CD226: variants seen among roughly 807,000 people sequenced by gnomAD.
CD226 encodes CD226 antigen.
CD226 carries 24 observed loss-of-function variants against 34.9 expected under a neutral mutation model. That is an observed-to-expected ratio of 0.69 (90% CI 0.50 to 0.97). The LOEUF is 0.97. Ranked by LOEUF, CD226 falls within the 50% of genes least tolerant of loss-of-function variation. CD226 has a pLI of 0.00. For missense variants in CD226, 397 were observed against 412.7 expected (o/e 0.96, Z 0.33); for synonymous variants, 148 against 147.4 (o/e 1.00, Z -0.03).
intron 2 of CD226, among the ~76,000 whole-genome samples, chr18:69,938,547 C>A (rs907027619): frequency 1.3e-5 from 2 of 152,220 alleles, no homozygotes; most frequent in African/African-American, 4.8e-5. Flanking sequence ...TCAAAGGCTA[C>A]TTTACAATTT....
chr18:69,920,776 T>A (rs1182073932), intron 2 of CD226, among the ~76,000 whole-genome samples: 2 of 151,970 alleles, frequency 1.3e-5, no homozygotes, highest in African/African-American at 4.9e-5. Context: ...GGGTTATGAC[T>A]AGCGAAGACA....
At chr18:69,872,100 G>T (rs1983569542) in intron 4 of CD226, among the ~76,000 whole-genome samples, 1 of 144,812 alleles carries the variant, frequency 6.9e-6, no homozygotes. Flanking sequence ...GGTGCATTTG[G>T]TAACATTACT....
At chr18:69,918,804 C>A in intron 2 of CD226, among the ~76,000 whole-genome samples, 1 of 152,122 alleles carries the variant, frequency 6.6e-6, no homozygotes, top group East Asian at 1.9e-4. Flanking sequence ...TATAGACACC[C>A]CTGTGCAAAT....
intron 2 of CD226, among the ~76,000 whole-genome samples, chr18:69,930,224 G>A (rs1174822820): frequency 6.6e-6 from 1 of 152,130 alleles, no homozygotes; most frequent in Non-Finnish European, 1.5e-5. Context: ...GTTGCAATAT[G>A]GTTTGAGATA....
At chr18:69,898,999 T>A (rs1333722963) in intron 2 of CD226, among the ~76,000 whole-genome samples, 1 of 152,244 alleles carries the variant, frequency 6.6e-6, no homozygotes, top group African/African-American at 2.4e-5. Context: ...CTTATACTTA[T>A]ATGTAGCTAC....
chr18:69,935,069 A>G (rs2055635682), intron 2 of CD226, among the ~76,000 whole-genome samples: 2 of 152,192 alleles, frequency 1.3e-5, no homozygotes, highest in Admixed American at 1.3e-4. Context: ...CTAAACCATC[A>G]CAGGACAGCA....
chr18:69,922,705 T>C (rs2055467061), intron 2 of CD226, among the ~76,000 whole-genome samples: 1 of 152,200 alleles, frequency 6.6e-6, no homozygotes. Flanking sequence ...ACCAGGCCAT[T>C]GTGAGGATGC....
chr18:69,874,036 A>G (rs181706515), intron 3 of CD226, among the ~76,000 whole-genome samples: 38 of 152,176 alleles, frequency 2.5e-4, no homozygotes, highest in Admixed American at 8.5e-4. Context: ...GAAAAAAAAA[A>G]TGTTACTCCA....
intron 2 of CD226, among the ~76,000 whole-genome samples, chr18:69,921,480 C>T (rs1427914059): frequency 6.6e-6 from 1 of 152,130 alleles, no homozygotes; most frequent in African/African-American, 2.4e-5. Flanking sequence ...TTGTAAGCAT[C>T]TCCACAGAAG....
At chr18:69,945,227 T>G (rs1239245284) in intron 2 of CD226, among the ~76,000 whole-genome samples, 2 of 152,218 alleles carry the variant, frequency 1.3e-5, no homozygotes, top group Non-Finnish European at 2.9e-5. Flanking sequence ...AGATGTATCA[T>G]TCTCTGACTA....
chr18:69,857,268 T>C lies in CD226; in HGVS notation c.*7046A>G. Reference sequence around the variant, plus strand: ...AGTAATCTCTATCTCTAGAAGCTACTGAGCCATTACATTTCTTTGTACATT... The same window carrying C: ...AGTAATCTCTATCTCTAGAAGCTACCGAGCCATTACATTTCTTTGTACATT... On this transcript the variant is annotated 3_prime_UTR_variant, in exon 6 of 6. Coordinates refer to ENST00000582621, the MANE Select transcript of CD226 (RefSeq NM_001303618.2). The C allele has an allele frequency of 6.6e-6, 1 of 152,384 alleles. No individual in the cohort carries two copies. Among genetic ancestry groups the C allele is most frequent in the East Asian group, 1.9e-4 (1 of 5,186 alleles). The allele number at this position is 152,384 out of a possible 1,614,324, so 9.4% of individuals were successfully genotyped here.
At chr18:69,902,018 G>T (rs924703156) in intron 2 of CD226, among the ~76,000 whole-genome samples, 1 of 152,114 alleles carries the variant, frequency 6.6e-6, no homozygotes. Flanking sequence ...GTATTAATGT[G>T]CCTGTTTCAC....
chr18:69,929,374 T>A (rs1446077510), intron 2 of CD226, among the ~76,000 whole-genome samples: 1 of 152,196 alleles, frequency 6.6e-6, no homozygotes, highest in African/African-American at 2.4e-5. Flanking sequence ...ATCAAGTCAC[T>A]CTCATGTGCT....
chr18:69,880,588 A>G (rs968409813), intron 3 of CD226, among the ~76,000 whole-genome samples: 13 of 152,018 alleles, frequency 8.6e-5, no homozygotes, highest in Non-Finnish European at 1.5e-5. Context: ...GGAGGGAGAT[A>G]ATGGGAGTTG....
intron 3 of CD226, among the ~76,000 whole-genome samples, chr18:69,880,451 G>C (rs1984179184): frequency 6.6e-6 from 1 of 151,980 alleles, no homozygotes; most frequent in Admixed American, 6.6e-5. Flanking sequence ...ATGGAGAAGA[G>C]AGAACCCTCG....
chr18:69,864,019 A>C lies in CD226; in HGVS notation c.*295T>G, dbSNP rs1982975288. 1 of 231,922 alleles carries C rather than the reference A, an allele frequency of 4.3e-6. No individual in the cohort carries two copies. The highest frequency in any genetic ancestry group is 9.4e-5 in the South Asian group (1 of 10,624). 14.4% of individuals were successfully genotyped at this position (231,922 alleles called of 1,614,324 possible). The stretch of plus-strand genomic sequence containing the variant: ...CCAGTTTATGCCCATACTTAATTCT[A>C]GACACAACATTTAAGCCCTGGTAAA... On this transcript the variant is annotated 3_prime_UTR_variant, in exon 6 of 6. Transcript: ENST00000582621.
intron 2 of CD226, among the ~76,000 whole-genome samples, chr18:69,944,813 C>T (rs1330765069): frequency 6.6e-6 from 1 of 152,176 alleles, no homozygotes; most frequent in Non-Finnish European, 1.5e-5. Context: ...CAAATGAGGA[C>T]TTGTATGGTG....
Position 69,896,873 on chromosome 18 carries a change from C to T in CD226, c.383-828G>A, listed in dbSNP as rs565813178. Among the ~76,000 whole-genome samples, 13 of 152,172 alleles carry T rather than the reference C, an allele frequency of 8.5e-5. No individual in the cohort carries two copies. The South Asian group carries it at 2.5e-3, about 29-fold the overall frequency. On this transcript the variant is annotated intron_variant, in intron 2 of 5. Coordinates refer to ENST00000582621, the MANE Select transcript of CD226 (RefSeq NM_001303618.2). ...GTCTTACACATGGGTAGAGTAGGGC[C>T]CCACATGTGGTATCAATTCTTGATA...
In CD226 at chr18:69,895,915, A is replaced by G. The variant is rs1985255266; in HGVS notation, c.513T>C (p.Arg171=). Residue 171 remains arginine, a synonymous_variant, in exon 3 of 6, where the codon CGT becomes CGC. Transcript: ENST00000582621. The part of the protein sequence containing the change: ...QAVRWEKIQP[R]QIDLLTYCNL... ...TGCAGTAAGTTAAGAGGTCGATCTG[A>G]CGGGGCTGGATCTTTTCCCACCTCA... The G allele has an allele frequency of 1.2e-6, 2 of 1,614,040 alleles. No homozygotes were observed. Among genetic ancestry groups the G allele is most frequent in the Non-Finnish European group, 1.7e-6 (2 of 1,180,050 alleles).
Sources: allele counts gnomAD v4.1 joint callset (sites outside exome capture counted in the v4.1 genomes callset), GRCh38; gene constraint gnomAD v4.1.1; transcripts MANE v1.5; gene names NCBI Gene and HGNC (gene_info 2026-07-23, HGNC 2026-07-21).